The following THRAP3 variants were observed in gnomAD, a reference collection of about 807,000 sequenced individuals.
The protein encoded by THRAP3 is thyroid hormone receptor associated protein 3, also known as thyroid hormone receptor-associated protein 3.
Under a neutral mutation model 101.0 loss-of-function variants are expected in THRAP3, and 16 were observed. The observed-to-expected ratio is 0.16, with a 90% CI of 0.11 to 0.24. The LOEUF is 0.24. THRAP3 is among the 10% of genes least tolerant of loss of function. The pLI is 1.00. For missense variants in THRAP3, 989 were observed against 1,202.7 expected, an observed-to-expected ratio of 0.82 and a Z score of 2.63; for synonymous variants, 407 against 422.6, an observed-to-expected ratio of 0.96 and a Z score of 0.45.
chr1:36,249,262 G>A (rs539316015), intron 1 of THRAP3, among the ~76,000 whole-genome samples: 16 of 142,942 alleles, frequency 1.1e-4, no homozygotes, highest in African/African-American at 2.8e-4. Context: ...CGCAAGCTCC[G>A]CTCACTGCAA....
At chr1:36,259,754 A>G (rs1453457976) in intron 2 of THRAP3, among the ~76,000 whole-genome samples, 2 of 116,590 alleles carry the variant, frequency 1.7e-5, no homozygotes, top group African/African-American at 6.0e-5. Context: ...TGACAGCAAG[A>G]CCCTGTCTCA....
chr1:36,228,808 A>G (rs906982636), intron 1 of THRAP3, among the ~76,000 whole-genome samples: 3 of 152,178 alleles, frequency 2.0e-5, no homozygotes, highest in Non-Finnish European at 2.9e-5. Flanking sequence ...TTAAGAAACA[A>G]TGTTCTAGAC....
chr1:36,250,377 C>G (rs1032437622), intron 1 of THRAP3, among the ~76,000 whole-genome samples: 6 of 151,962 alleles, frequency 3.9e-5, no homozygotes, highest in African/African-American at 1.4e-4. Flanking sequence ...CCACACCCAG[C>G]TAACTTTTGT....
chr1:36,270,966 C>CT (rs202135446), intron 2 of THRAP3, among the ~76,000 whole-genome samples: 101 of 151,198 alleles, frequency 6.7e-4, no homozygotes, highest in Admixed American at 2.8e-3. Context: ...GGAATGTTAA[C>CT]TTTTTTTTTA....
At position 36,288,187 on chromosome 1, in the gene THRAP3, G is replaced by A. The variant is rs1255280094; in HGVS notation, c.1041-873G>A. The A allele has an allele frequency of 2.0e-5, 19 of 928,346 alleles. 1 individual carries two copies. The highest frequency in any genetic ancestry group is 5.0e-5 in the South Asian group (1 of 20,092). 57.5% of individuals were successfully genotyped at this position (928,346 alleles called of 1,614,324 possible). On this transcript the variant is annotated intron_variant, in intron 4 of 11. Transcript: ENST00000354618. ...TATTTATTTCAATAGGTTTTTGGGC[G>A]AATAGGTGGTGTTTGGTTACATGGA...
intron 2 of THRAP3, among the ~76,000 whole-genome samples, chr1:36,260,383 T>A (rs1645429639): frequency 6.6e-6 from 1 of 152,180 alleles, no homozygotes; most frequent in Non-Finnish European, 1.5e-5. Context: ...AAGCAGTCAT[T>A]TTCAACTCTC....
At position 36,282,593 on chromosome 1, in the gene THRAP3, A is replaced by ATCTCGCTCT; in HGVS notation, c.39_47dup (p.Ser14_Ser16dup). 1 of 1,614,064 alleles carries ATCTCGCTCT rather than the reference A, an allele frequency of 6.2e-7. No homozygotes were observed. Among genetic ancestry groups the ATCTCGCTCT allele is most frequent in the African/African-American group, 1.3e-5 (1 of 75,010 alleles). On this transcript the variant is annotated inframe_insertion, in exon 3 of 12. Coordinates refer to ENST00000354618, the MANE Select transcript of THRAP3 (RefSeq NM_005119.4). ...CAAAAACAAACAAATCCAAGTCTGG[A>ATCTCGCTCT]TCTCGCTCTTCTCGCTCAAGATCTG... is the stretch of plus-strand genomic sequence containing the variant.
chr1:36,226,860 C>G (rs1644967964), intron 1 of THRAP3, among the ~76,000 whole-genome samples: 1 of 152,066 alleles, frequency 6.6e-6, no homozygotes, highest in Non-Finnish European at 1.5e-5. Flanking sequence ...GAGGTCTTGT[C>G]TTTTGGAAAC....
chr1:36,250,277 G>A (rs964351699), intron 1 of THRAP3, among the ~76,000 whole-genome samples: 3 of 150,248 alleles, frequency 2.0e-5, no homozygotes, highest in Non-Finnish European at 3.0e-5. Flanking sequence ...GCAGTGGCGC[G>A]ATCTCAGCTC....
chr1:36,243,728 G>C (rs1373175906), intron 1 of THRAP3, among the ~76,000 whole-genome samples: 1 of 152,162 alleles, frequency 6.6e-6, no homozygotes, highest in Non-Finnish European at 1.5e-5. Flanking sequence ...CTCCCAGACG[G>C]GGCGGTGGCC....
At chr1:36,301,887 G>A (rs1227917837) in intron 11 of THRAP3, among the ~76,000 whole-genome samples, 191 bp downstream of exon 11, 3 of 152,154 alleles carry the variant, frequency 2.0e-5, no homozygotes, top group African/African-American at 2.4e-5. Context: ...GTCTTCAAAG[G>A]GTTTATCACT....
chr1:36,216,043 C>T, the THRAP3 span, among the ~76,000 whole-genome samples: 19 of 152,122 alleles, frequency 1.2e-4, no homozygotes, highest in Admixed American at 9.2e-4. Flanking sequence ...GCCACAGCGC[C>T]CAGCCAATAA....
intron 1 of THRAP3, among the ~76,000 whole-genome samples, chr1:36,257,753 A>ATGG (rs1458376284): frequency 3.9e-5 from 6 of 152,350 alleles, no homozygotes; most frequent in Admixed American, 3.9e-4. Flanking sequence ...AGGAAATATG[A>ATGG]TGGAGTAATA....
At chr1:36,214,118 A>T in the THRAP3 span, among the ~76,000 whole-genome samples, 1 of 152,236 alleles carries the variant, frequency 6.6e-6, no homozygotes, top group Non-Finnish European at 1.5e-5. Flanking sequence ...TACATGACAC[A>T]CCTACTGCTG....
intron 1 of THRAP3, among the ~76,000 whole-genome samples, chr1:36,251,730 A>G (rs1393322369): frequency 1.3e-5 from 2 of 152,244 alleles, no homozygotes; most frequent in African/African-American, 4.8e-5. Context: ...TACTGGCCCA[A>G]TTAACAATAT....
In THRAP3 at chr1:36,264,083, G is replaced by A. The variant is rs893829823; in HGVS notation, c.-32+4599G>A. Among the ~76,000 whole-genome samples, 4 of 152,220 alleles carry A rather than the reference G, an allele frequency of 2.6e-5. 1 individual carries two copies. The Middle Eastern group carries it at 0.01, about 388-fold the overall frequency. ...TTTTGTTTGTTTGTTTTTTTGAGAC[G>A]GAGTCTCGCTCTGTCGCCCAGGCTG... On this transcript the variant is annotated intron_variant, in intron 2 of 11. Transcript: ENST00000354618.
chr1:36,209,866 T>C, the THRAP3 span, among the ~76,000 whole-genome samples: 1 of 152,092 alleles, frequency 6.6e-6, no homozygotes, highest in African/African-American at 2.4e-5. Context: ...AAAGGGGACA[T>C]CCCAACTGCA....
chr1:36,285,626 T>A (rs1296642954), intron 3 of THRAP3, among the ~76,000 whole-genome samples: 1 of 152,232 alleles, frequency 6.6e-6, no homozygotes, highest in Non-Finnish European at 1.5e-5. Context: ...TTGGGTACTT[T>A]ATGGTCCGAT....
intron 10 of THRAP3, among the ~76,000 whole-genome samples, 159 bp downstream of exon 10, chr1:36,301,243 A>T (rs1646027063): frequency 6.6e-6 from 1 of 152,048 alleles, no homozygotes; most frequent in South Asian, 2.1e-4. Flanking sequence ...TGGCCTTTCC[A>T]TTTTTTGTTA....
Sources: allele counts gnomAD v4.1 joint callset (sites outside exome capture counted in the v4.1 genomes callset), GRCh38; gene constraint gnomAD v4.1.1; transcripts MANE v1.5; gene names NCBI Gene and HGNC (gene_info 2026-07-23, HGNC 2026-07-21).